Variants in CD96 observed in about 807,000 individuals in gnomAD.
CD96 encodes the protein T-cell surface protein tactile.
A neutral mutation model predicts 71.3 loss-of-function variants in CD96; 70 were observed. That is an observed-to-expected ratio of 0.98 (90% CI 0.81 to 1.20). The LOEUF is 1.20. Among genes scored for constraint, CD96 ranks in the 50% most tolerant of loss-of-function variants. CD96 has a pLI of 0.00. For missense variants in CD96, 742 were observed against 677.5 expected (o/e 1.10, Z -1.06); for synonymous variants, 248 against 233.0 (o/e 1.06, Z -0.59).
chr3:111,642,157 T>C (rs759827477), intron 12 of CD96, among the ~76,000 whole-genome samples: 22 of 151,918 alleles, frequency 1.4e-4, no homozygotes, highest in Non-Finnish European at 2.9e-4. Flanking sequence ...CAGAGCACAA[T>C]ACAATTGAAA....
chr3:111,585,361 A>G lies in CD96; in HGVS notation c.790A>G (p.Thr264Ala). 6.2e-7 allele frequency: 1 copy of G among 1,609,236 alleles called. No homozygotes were observed. The highest frequency in any genetic ancestry group is 1.3e-5 in the African/African-American group (1 of 74,932). ...EIPVIVENNS[T>A]DVLVERRFTC... Reference sequence around the variant, plus strand: ...CCCTGTGATTGTGGAAAATAACTCCACGGATGTCTTGGTAGAGGTGAGTCA... The same window carrying G: ...CCCTGTGATTGTGGAAAATAACTCCGCGGATGTCTTGGTAGAGGTGAGTCA... Residue 264 changes from threonine to alanine, a missense_variant, in exon 5 of 14, where the codon ACG (threonine) becomes GCG (alanine). Coordinates refer to ENST00000352690, the MANE Select transcript of CD96 (RefSeq NM_005816.5).
intron 14 of CD96, among the ~76,000 whole-genome samples, chr3:111,662,267 C>G (rs917228868): frequency 1.3e-5 from 2 of 152,232 alleles, no homozygotes; most frequent in African/African-American, 4.8e-5. Flanking sequence ...ACCATTTTTC[C>G]CTCTTAGTCC....
chr3:111,594,623 TG>T (rs1239860928), intron 5 of CD96: 1 of 172,430 alleles, frequency 5.8e-6, no homozygotes, highest in Non-Finnish European at 1.4e-5. Context: ...TTTCTCCTCC[TG>T]GTTGTTTCCA....
At chr3:111,589,956 G>T (rs781139413) in intron 5 of CD96, among the ~76,000 whole-genome samples, 6 of 152,148 alleles carry the variant, frequency 3.9e-5, no homozygotes, top group Non-Finnish European at 7.4e-5. Flanking sequence ...TACTTCAGAG[G>T]GTTCTTAGGA....
Position 111,594,103 on chromosome 3 carries a change from T to A in CD96, c.808-4017T>A, listed in dbSNP as rs77529069. Reference sequence around the variant, plus strand: ...TAGCACTCACAAAAGGGCCAACCAGTTCTCCTGTCTCACTAATCTCTTCCT... The same window carrying A: ...TAGCACTCACAAAAGGGCCAACCAGATCTCCTGTCTCACTAATCTCTTCCT... On this transcript the variant is annotated intron_variant, in intron 5 of 13. Coordinates refer to ENST00000352690, the MANE Select transcript of CD96 (RefSeq NM_005816.5). 451 of 1,614,134 alleles carry A rather than the reference T, an allele frequency of 2.8e-4. 1 individual carries two copies. In the African/African-American group the frequency reaches 5.2e-3, roughly 19 times the overall value.
At position 111,584,064 on chromosome 3, in the gene CD96, C is replaced by G. The variant is rs187256377; in HGVS notation, c.752-1259C>G. 5.9e-3 allele frequency among the ~76,000 whole-genome samples: 898 copies of G among 152,322 alleles called. 11 individuals are homozygous for G. The highest frequency in any genetic ancestry group is 0.02 in the African/African-American group (843 of 41,560). ...TTATAAAACTGAGTGCCTTTAACAG[C>G]ACCCAATACACCTCTCGAATGCTTT... On this transcript the variant is annotated intron_variant, in intron 4 of 13. Coordinates refer to ENST00000352690, the MANE Select transcript of CD96 (RefSeq NM_005816.5).
chr3:111,581,114 G>C (rs1426927979), intron 4 of CD96, among the ~76,000 whole-genome samples: 1 of 151,836 alleles, frequency 6.6e-6, no homozygotes, highest in Non-Finnish European at 1.5e-5. Context: ...CACCCTATTG[G>C]ATTCTACAGC....
chr3:111,578,166 C>G (rs982994177), intron 3 of CD96, among the ~76,000 whole-genome samples: 2 of 152,126 alleles, frequency 1.3e-5, no homozygotes, highest in Non-Finnish European at 2.9e-5. Flanking sequence ...GTCAAGAATC[C>G]CCTCCTTACT....
intron 3 of CD96, among the ~76,000 whole-genome samples, chr3:111,567,897 A>G (rs1935796946): frequency 6.6e-6 from 1 of 152,190 alleles, no homozygotes; most frequent in African/African-American, 2.4e-5. Context: ...ACTTCTATCT[A>G]TATACCAAAC....
chr3:111,630,063 A>G (rs1372698273), intron 10 of CD96, among the ~76,000 whole-genome samples: 3 of 152,170 alleles, frequency 2.0e-5, no homozygotes, highest in Admixed American at 2.0e-4. Context: ...AAAAGCTAGA[A>G]AAATCTCAAG....
intron 7 of CD96, among the ~76,000 whole-genome samples, chr3:111,605,166 G>A (rs1472758197): frequency 6.6e-6 from 1 of 152,120 alleles, no homozygotes; most frequent in Admixed American, 6.5e-5. Context: ...CATAAATATG[G>A]TGTGGAGCAA....
intron 8 of CD96, among the ~76,000 whole-genome samples, chr3:111,622,879 A>G (rs567465216): frequency 4.8e-4 from 73 of 152,368 alleles, no homozygotes; most frequent in Non-Finnish European, 9.1e-4. Context: ...ACTTCCTACC[A>G]GAAAGGTCAG....
intron 12 of CD96, among the ~76,000 whole-genome samples, chr3:111,640,228 A>G (rs1337058100): frequency 6.6e-6 from 1 of 151,984 alleles, no homozygotes; most frequent in African/African-American, 2.4e-5. Context: ...AAAGAAATCC[A>G]AAAAAAATGA....
chr3:111,548,705 T>C (rs761328456), intron 2 of CD96, among the ~76,000 whole-genome samples: 9 of 152,174 alleles, frequency 5.9e-5, no homozygotes, highest in Non-Finnish European at 8.8e-5. Context: ...GAAGCAGTAG[T>C]AGCAGTGAAT....
intron 2 of CD96, among the ~76,000 whole-genome samples, chr3:111,552,089 T>C (rs555249377): frequency 1.1e-4 from 16 of 152,316 alleles, no homozygotes; most frequent in African/African-American, 3.4e-4. Context: ...GCTGCATATA[T>C]GTCTTCTTTT....
Position 111,649,738 on chromosome 3 carries a change from A to T in CD96, c.1642A>T (p.Ile548Phe). 1 of 1,614,072 alleles carries T rather than the reference A, an allele frequency of 6.2e-7. No individual in the cohort carries two copies. Among genetic ancestry groups the T allele is most frequent in the Non-Finnish European group, 8.5e-7 (1 of 1,179,880 alleles). The change falls in exon 14 of 14, where the codon ATC (isoleucine) becomes TTC (phenylalanine). Residue 548 changes from isoleucine (I) to phenylalanine (F), a missense_variant. Ile to Phe is a conservative substitution (Grantham distance 21). Coordinates refer to ENST00000352690, the MANE Select transcript of CD96 (RefSeq NM_005816.5). ...PPPFKPPPPP[I>F]KYTCIQEPNE... ...ACCTTTCAAGCCACCACCACCTCCC[A>T]TCAAGTACACTTGCATTCAAGAGCC... is the stretch of plus-strand genomic sequence containing the variant.
At chr3:111,600,075 T>C (rs1414443839) in intron 6 of CD96, among the ~76,000 whole-genome samples, 3 of 152,208 alleles carry the variant, frequency 2.0e-5, no homozygotes, top group Non-Finnish European at 2.9e-5. Context: ...CTTACAAATC[T>C]ACAGCTTATT....
chr3:111,599,129 C>T (rs2107645455), intron 6 of CD96, among the ~76,000 whole-genome samples: 1 of 152,018 alleles, frequency 6.6e-6, no homozygotes. Flanking sequence ...CCACTACGCC[C>T]GGCTAATTTT....
chr3:111,605,291 A>C (rs891218446), intron 7 of CD96, among the ~76,000 whole-genome samples: 9 of 152,214 alleles, frequency 5.9e-5, no homozygotes, highest in African/African-American at 2.2e-4. Context: ...CAGCTTGAGA[A>C]GGTACATTCA....
Sources: allele counts gnomAD v4.1 joint callset (sites outside exome capture counted in the v4.1 genomes callset), GRCh38; gene constraint gnomAD v4.1.1; transcripts MANE v1.5; gene names NCBI Gene and HGNC (gene_info 2026-07-23, HGNC 2026-07-21).